The following SLC6A12 variants were observed in gnomAD, a reference collection of about 807,000 sequenced individuals.
The protein encoded by SLC6A12 is sodium- and chloride-dependent betaine transporter.
Under a neutral mutation model 73.3 loss-of-function variants are expected in SLC6A12, and 50 were observed. That is an observed-to-expected ratio of 0.68 (90% CI 0.54 to 0.86). The LOEUF (loss-of-function observed/expected upper bound fraction) is 0.86, where lower values mean the gene tolerates loss of function less well. Ranked by LOEUF, SLC6A12 falls within the 40% of genes least tolerant of loss-of-function variation. The pLI, the probability that SLC6A12 is intolerant of heterozygous loss-of-function variation, is 0.00. For missense variants in SLC6A12, 648 were observed against 772.8 expected (o/e 0.84, Z 1.92); for synonymous variants, 304 against 309.2 (o/e 0.98, Z 0.18).
intron 1 of SLC6A12, among the ~76,000 whole-genome samples, chr12:212,934 C>A (rs973072764): frequency 2.6e-5 from 4 of 152,106 alleles, no homozygotes; most frequent in African/African-American, 9.7e-5. Context: ...TACTTCAGTG[C>A]CCTCCAGAAG....
rs747033751 is a variant in SLC6A12 at position 209,828 on chromosome 12, G to T, written c.159C>A (p.Ile53=). ...MEFVLSVAGE[I]IGLGNVWRFP... Reference sequence around the variant, plus strand: ...ACCTCCAGACATTGCCCAGCCCAATGATCTCCCCGGCCACTGACAGCACAA... The same window carrying T: ...ACCTCCAGACATTGCCCAGCCCAATTATCTCCCCGGCCACTGACAGCACAA... The change falls in exon 3 of 16, where the codon ATC becomes ATA. Residue 53 remains isoleucine (I), a synonymous_variant. Transcript: ENST00000684302. The T allele has an allele frequency of 6.2e-7, 1 of 1,614,154 alleles. No homozygotes were observed. The highest frequency in any genetic ancestry group is 8.5e-7 in the Non-Finnish European group (1 of 1,180,010).
chr12:209,035 T>A (rs1940787515), intron 3 of SLC6A12, among the ~76,000 whole-genome samples: 1 of 152,178 alleles, frequency 6.6e-6, no homozygotes, highest in South Asian at 2.1e-4. Flanking sequence ...CCCTGTGACC[T>A]CTCTGCCCTC....
chr12:197,167 A>AGTGTTGG (rs1939940769), intron 10 of SLC6A12, among the ~76,000 whole-genome samples: 1 of 90,166 alleles, frequency 1.1e-5, no homozygotes, highest in African/African-American at 3.9e-5. Context: ...CCATCCATCC[A>AGTGTTGG]TCCATCCATC....
chr12:201,695 T>C, intron 6 of SLC6A12, 67 bp downstream of exon 6: 1 of 1,291,380 alleles, frequency 7.7e-7, no homozygotes, highest in Non-Finnish European at 1.1e-6. Flanking sequence ...ACCCCAGACA[T>C]TCAGACTTGC....
At chr12:186,358 G>A (rs1052487941), downstream of SLC6A12, among the ~76,000 whole-genome samples, 7 of 152,204 alleles carry the variant, frequency 4.6e-5, no homozygotes, top group Non-Finnish European at 7.3e-5. Flanking sequence ...TGAAGGAACT[G>A]CAAGCAATTG....
chr12:188,494 G>A (rs1490816388), downstream of SLC6A12, among the ~76,000 whole-genome samples: 1 of 152,186 alleles, frequency 6.6e-6, no homozygotes, highest in Non-Finnish European at 1.5e-5. Flanking sequence ...AGCCGGCTCC[G>A]GCCTTGGCCA....
chr12:187,589 C>CAAAAAAAAAAAAAAAAAAAAAAACAA (rs1939454132), downstream of SLC6A12, among the ~76,000 whole-genome samples: 1 of 106,074 alleles, frequency 9.4e-6, no homozygotes, highest in Non-Finnish European at 1.7e-5. Flanking sequence ...TGCAAAAGAG[C>CAAAAAAAAAAAAAAAAAAAAAAACAA]AAAAAAAAAA....
rs201493250 is a variant in SLC6A12 at position 209,880 on chromosome 12, C to T, written c.107G>A (p.Arg36Gln). Residue 36 changes from arginine (R) to glutamine (Q), a missense_variant, in exon 3 of 16, where the codon CGG becomes CAG. Coordinates refer to ENST00000684302, the MANE Select transcript of SLC6A12 (RefSeq NM_001122848.3). ...DQEDEDQVKD[R>Q]GQWTNKMEFV... is the part of the protein sequence containing the mutation. ...CTCCATCTTGTTGGTCCATTGGCCCCGATCCTTCACCTGGTCCTCGTCTTC... is the reference window on the plus strand; with the variant it reads ...CTCCATCTTGTTGGTCCATTGGCCCTGATCCTTCACCTGGTCCTCGTCTTC... The T allele has an allele frequency of 4.0e-5, 65 of 1,614,094 alleles. No individual in the cohort carries two copies. Among genetic ancestry groups the T allele is most frequent in the Admixed American group, 5.0e-5 (3 of 60,008 alleles).
At chr12:203,354 A>C (rs1051269763) in intron 4 of SLC6A12, 1 of 150,944 alleles carries the variant, frequency 6.6e-6, no homozygotes, top group African/African-American at 2.4e-5. Context: ...TTAACGAAGG[A>C]CTGTGGACCT....
At chr12:197,344 C>T in intron 10 of SLC6A12, 33 bp downstream of exon 10, 2 of 1,593,794 alleles carry the variant, frequency 1.3e-6, no homozygotes, top group Non-Finnish European at 8.5e-7. Context: ...ACTCTCCTTC[C>T]CCTCAGGCCC....
Position 192,568 on chromosome 12 carries a change from G to A in SLC6A12, c.1611C>T (p.Ser537=), listed in dbSNP as rs1381065807. Reference sequence around the variant, plus strand: ...AGGACAGAGCCAGGAACCAGCCAATGGAGTATCCCCAGGGCGGGTACACAT... The same window carrying A: ...AGGACAGAGCCAGGAACCAGCCAATAGAGTATCCCCAGGGCGGGTACACAT... ...NVYVYPPWGY[S]IGWFLALSSM... is the part of the protein sequence containing the mutation. The change falls in exon 15 of 16, where the codon TCC becomes TCT. Residue 537 remains serine, a synonymous_variant. Coordinates refer to ENST00000684302, the MANE Select transcript of SLC6A12 (RefSeq NM_001122848.3). 2 of 1,614,098 alleles carry A rather than the reference G, an allele frequency of 1.2e-6. No individual in the cohort carries two copies. The highest frequency in any genetic ancestry group is 1.7e-6 in the Non-Finnish European group (2 of 1,179,964).
At chr12:202,690 G>A (rs367582794) in intron 5 of SLC6A12, 50 bp downstream of exon 5, 51 of 1,577,386 alleles carry the variant, frequency 3.2e-5, no homozygotes, top group Middle Eastern at 2.1e-4. Flanking sequence ...ACCAGCCACC[G>A]CAGCCCAGCC....
At chr12:202,147 T>C (rs117171803) in intron 5 of SLC6A12, among the ~76,000 whole-genome samples, 2,233 of 152,274 alleles carry the variant, frequency 0.015, 73 homozygotes, top group South Asian at 0.13. Context: ...CTCTCCCCGC[T>C]TGCCCGTTCT....
chr12:192,330 T>C, intron 15 of SLC6A12, 148 bp downstream of exon 15: 1 of 666,470 alleles, frequency 1.5e-6, no homozygotes, highest in Non-Finnish European at 2.6e-6. Context: ...GTCTTCAAAG[T>C]TCGTCTCGTT....
downstream of SLC6A12, among the ~76,000 whole-genome samples, chr12:187,589 C>CAAAAAAAAAAAA (rs761187495): frequency 1.3e-3 from 134 of 106,014 alleles, 1 homozygote; most frequent in Non-Finnish European, 1.6e-3. Flanking sequence ...TGCAAAAGAG[C>CAAAAAAAAAAAA]AAAAAAAAAA....
At chr12:185,232 C>T (rs574600384), downstream of SLC6A12, among the ~76,000 whole-genome samples, 13 of 152,354 alleles carry the variant, frequency 8.5e-5, no homozygotes, top group African/African-American at 3.1e-4. Flanking sequence ...AAGGCCGCTC[C>T]CCCGGCCCCA....
chr12:206,745 T>G (rs1429822830), intron 3 of SLC6A12, among the ~76,000 whole-genome samples: 1 of 152,236 alleles, frequency 6.6e-6, no homozygotes, highest in Non-Finnish European at 1.5e-5. Context: ...GTAACACCAC[T>G]GACTCAGGTT....
At chr12:188,466 C>G (rs369503673), downstream of SLC6A12, among the ~76,000 whole-genome samples, 19 of 131,834 alleles carry the variant, frequency 1.4e-4, no homozygotes, top group African/African-American at 5.1e-4. Flanking sequence ...CCCTCCACAC[C>G]TCTCTGCAAG....
chr12:184,855 C>T, the SLC6A12 span, among the ~76,000 whole-genome samples: 7,424 of 151,986 alleles, frequency 0.049, 602 homozygotes, highest in African/African-American at 0.16. Context: ...ATCACTTGAA[C>T]CCAGGAGGCA....
Sources: gnomAD v4.1 joint callset for allele counts (sites outside exome capture counted in the v4.1 genomes callset) on GRCh38, gnomAD v4.1.1 for gene constraint, MANE v1.5 for transcripts, NCBI Gene and HGNC (gene_info 2026-07-23, HGNC 2026-07-21) for gene names.